SETBP1: variants seen among roughly 807,000 people sequenced by gnomAD.
SETBP1 encodes SET-binding protein.
Under a neutral mutation model 101.0 loss-of-function variants are expected in SETBP1, and 9 were observed. The observed-to-expected ratio is 0.09, with a 90% CI of 0.05 to 0.16. SETBP1 has a LOEUF of 0.16. Ranked by LOEUF, SETBP1 falls within the 10% of genes least tolerant of loss-of-function variation. SETBP1 has a pLI of 1.00. For synonymous variants in SETBP1, 818 were observed against 788.5 expected (o/e 1.04, Z -0.63); for missense variants, 1,858 against 2,033.8 (o/e 0.91, Z 1.66).
At chr18:44,942,919 A>C (rs186954078) in intron 3 of SETBP1, among the ~76,000 whole-genome samples, 3 of 152,346 alleles carry the variant, frequency 2.0e-5, no homozygotes, top group African/African-American at 7.2e-5. Flanking sequence ...TGGGAATAAC[A>C]TCCAGGTGAA....
chr18:44,925,862 A>G (rs2070694346), intron 3 of SETBP1, among the ~76,000 whole-genome samples: 1 of 152,254 alleles, frequency 6.6e-6, no homozygotes, highest in Non-Finnish European at 1.5e-5. Context: ...TTATAGAAAG[A>G]AGGAGTGATA....
intron 4 of SETBP1, among the ~76,000 whole-genome samples, chr18:44,966,934 G>A (rs2071733417): frequency 6.6e-6 from 1 of 152,138 alleles, no homozygotes; most frequent in Non-Finnish European, 1.5e-5. Flanking sequence ...ATATACACAG[G>A]AGCATCCAGC....
At chr18:44,768,086 C>T (rs2070796606) in intron 2 of SETBP1, among the ~76,000 whole-genome samples, 1 of 152,194 alleles carries the variant, frequency 6.6e-6, no homozygotes, top group African/African-American at 2.4e-5. Flanking sequence ...TTTGGTGTCT[C>T]TGTATAGGAG....
chr18:44,682,785 T>TC (rs1190697070), intron 1 of SETBP1, among the ~76,000 whole-genome samples: 1 of 152,086 alleles, frequency 6.6e-6, no homozygotes, highest in Admixed American at 6.5e-5. Flanking sequence ...CGATTTCTCC[T>TC]CCCCCGTTAA....
At chr18:44,903,530 T>C (rs890731960) in intron 3 of SETBP1, among the ~76,000 whole-genome samples, 1 of 152,138 alleles carries the variant, frequency 6.6e-6, no homozygotes, top group African/African-American at 2.4e-5. Flanking sequence ...GGGGATGACA[T>C]AGATGATGAG....
At chr18:44,784,072 C>A (rs1664470308) in intron 2 of SETBP1, among the ~76,000 whole-genome samples, 2 of 152,182 alleles carry the variant, frequency 1.3e-5, no homozygotes, top group African/African-American at 4.8e-5. Flanking sequence ...GTCTTCCGAT[C>A]TGGAAGATGA....
intron 4 of SETBP1, chr18:44,986,866 T>C (rs2072247159): frequency 1.3e-5 from 2 of 152,026 alleles, no homozygotes; most frequent in Non-Finnish European, 2.9e-5. Context: ...TTTTTATAAG[T>C]AGAAGGAGTG....
At chr18:44,755,948 G>A (rs2070482596) in intron 2 of SETBP1, among the ~76,000 whole-genome samples, 1 of 152,112 alleles carries the variant, frequency 6.6e-6, no homozygotes, top group Non-Finnish European at 1.5e-5. Flanking sequence ...GGGCGCGGTG[G>A]CTCACACCTG....
intron 2 of SETBP1, among the ~76,000 whole-genome samples, chr18:44,747,281 A>G (rs1471681037): frequency 6.6e-6 from 1 of 152,204 alleles, no homozygotes; most frequent in Non-Finnish European, 1.5e-5. Flanking sequence ...TGAGCTTTTT[A>G]AAGTTTATAT....
At chr18:44,721,827 G>C (rs2069604314) in intron 2 of SETBP1, among the ~76,000 whole-genome samples, 2 of 152,252 alleles carry the variant, frequency 1.3e-5, no homozygotes, top group Admixed American at 6.5e-5. Context: ...TGGTGTGAAA[G>C]AATGAATTAG....
intron 2 of SETBP1, among the ~76,000 whole-genome samples, chr18:44,714,465 G>T (rs1436095870): frequency 6.6e-6 from 1 of 152,146 alleles, no homozygotes; most frequent in Non-Finnish European, 1.5e-5. Flanking sequence ...GCCTCCCAAA[G>T]TTCTGGGATT....
At chr18:45,057,970 A>G (rs1322354426) in intron 5 of SETBP1, among the ~76,000 whole-genome samples, 1 of 152,262 alleles carries the variant, frequency 6.6e-6, no homozygotes, top group East Asian at 1.9e-4. Flanking sequence ...TGACAAAATC[A>G]ACAGAATGCT....
At chr18:44,891,009 AAAAG>A (rs1482818374) in intron 3 of SETBP1, among the ~76,000 whole-genome samples, 3 of 152,184 alleles carry the variant, frequency 2.0e-5, no homozygotes, top group Non-Finnish European at 4.4e-5. Context: ...GGCAATATAC[AAAAG>A]AAAGAAAGTT....
intron 5 of SETBP1, among the ~76,000 whole-genome samples, chr18:45,055,577 G>T: frequency 6.6e-6 from 1 of 151,958 alleles, no homozygotes; most frequent in East Asian, 1.9e-4. Context: ...TTAAGCACTT[G>T]TGATAAGTAA....
chr18:44,770,539 A>C (rs1283792441), intron 2 of SETBP1, among the ~76,000 whole-genome samples: 3 of 152,124 alleles, frequency 2.0e-5, no homozygotes, highest in African/African-American at 4.8e-5. Context: ...TCGTGTTTTC[A>C]TCTATTGCAC....
chr18:44,690,843 G>A (rs2068919080), intron 1 of SETBP1, among the ~76,000 whole-genome samples: 1 of 152,152 alleles, frequency 6.6e-6, no homozygotes, highest in South Asian at 2.1e-4. Context: ...TTTTCTTTAC[G>A]ATGTGAATTC....
chr18:45,024,523 T>G (rs1305218848), intron 4 of SETBP1, among the ~76,000 whole-genome samples: 1 of 152,348 alleles, frequency 6.6e-6, no homozygotes, highest in South Asian at 2.1e-4. Context: ...GCTCTTCATC[T>G]TCACTGTACA....
intron 2 of SETBP1, among the ~76,000 whole-genome samples, chr18:44,759,080 T>A (rs1171308458): frequency 5.3e-5 from 8 of 152,226 alleles, no homozygotes; most frequent in Non-Finnish European, 1.2e-4. Context: ...GAACCATCAT[T>A]TTTATTCCCT....
chr18:44,719,321 A>G (rs372055811), intron 2 of SETBP1, among the ~76,000 whole-genome samples: 75 of 152,298 alleles, frequency 4.9e-4, no homozygotes, highest in Non-Finnish European at 8.1e-4. Context: ...GGAGGAAGGT[A>G]AAAACTGCAT....
Sources: gnomAD v4.1 joint callset for allele counts (sites outside exome capture counted in the v4.1 genomes callset) on GRCh38, gnomAD v4.1.1 for gene constraint, MANE v1.5 for transcripts, NCBI Gene and HGNC (gene_info 2026-07-23, HGNC 2026-07-21) for gene names.